The following BBS9 variants were observed in gnomAD, a reference collection of about 807,000 sequenced individuals.
BBS9 encodes the protein protein PTHB1.
A neutral mutation model predicts 117.7 loss-of-function variants in BBS9; 89 were observed. That is an observed-to-expected ratio of 0.76 (90% CI 0.64 to 0.90). The LOEUF (loss-of-function observed/expected upper bound fraction) is 0.90. Ranked by LOEUF, BBS9 falls within the 40% of genes least tolerant of loss-of-function variation. BBS9 has a pLI of 0.00. For synonymous variants in BBS9, 379 were observed against 370.9 expected, an observed-to-expected ratio of 1.02 and a Z score of -0.25; for missense variants, 982 against 1,042.2, an observed-to-expected ratio of 0.94 and a Z score of 0.80.
chr7:33,434,278 TAAA>T (rs36043262), intron 19 of BBS9, among the ~76,000 whole-genome samples: 1 of 132,676 alleles, frequency 7.5e-6, no homozygotes, highest in African/African-American at 2.8e-5. Flanking sequence ...TCCTGTTTGC[TAAA>T]AAAAAAAAAA....
chr7:33,207,957 G>C (rs560636179), intron 5 of BBS9, among the ~76,000 whole-genome samples: 9 of 151,908 alleles, frequency 5.9e-5, no homozygotes, highest in Non-Finnish European at 1.3e-4. Flanking sequence ...ATAGGTGTGC[G>C]CCACCATGCC....
At chr7:33,178,178 G>A (rs1405761855) in intron 5 of BBS9, among the ~76,000 whole-genome samples, 1 of 152,214 alleles carries the variant, frequency 6.6e-6, no homozygotes, top group African/African-American at 2.4e-5. Flanking sequence ...CAGGGCAGCT[G>A]GAAGAGTGGG....
At chr7:33,509,673 T>C (rs898725743) in intron 20 of BBS9, among the ~76,000 whole-genome samples, 1 of 152,190 alleles carries the variant, frequency 6.6e-6, no homozygotes, top group South Asian at 2.1e-4. Context: ...ATGTTTTGTT[T>C]ATGTTTCAGA....
At chr7:33,527,468 G>C (rs995005187) in intron 20 of BBS9, among the ~76,000 whole-genome samples, 5 of 152,090 alleles carry the variant, frequency 3.3e-5, no homozygotes, top group African/African-American at 4.8e-5. Context: ...TTTTTTAAGC[G>C]GGTCTGAAAA....
chr7:33,161,811 T>C (rs1794899244), intron 4 of BBS9, among the ~76,000 whole-genome samples: 1 of 152,220 alleles, frequency 6.6e-6, no homozygotes, highest in Non-Finnish European at 1.5e-5. Context: ...ATGATTGCCA[T>C]TCTAACTGAT....
chr7:33,492,811 AGTGTGTGTGTGTGTGT>A (rs57870306), intron 19 of BBS9, among the ~76,000 whole-genome samples: 21,236 of 131,644 alleles, frequency 0.16, 2,121 homozygotes, highest in East Asian at 0.48. Context: ...TATAGGAGTG[AGTGTGTGTGTGTGTGT>A]GTGTGTGTGT....
At chr7:33,260,871 A>G (rs1185518120) in intron 6 of BBS9, among the ~76,000 whole-genome samples, 4 of 152,134 alleles carry the variant, frequency 2.6e-5, no homozygotes, top group Non-Finnish European at 5.9e-5. Context: ...TGTCTGCTAT[A>G]CCCCTTCCCC....
intron 11 of BBS9, among the ~76,000 whole-genome samples, chr7:33,343,407 A>G (rs1816914989): frequency 6.6e-6 from 1 of 152,188 alleles, no homozygotes; most frequent in Admixed American, 6.5e-5. Context: ...AGGTAACACG[A>G]GGTGACGCTC....
At chr7:33,285,384 A>G (rs1802678808) in intron 9 of BBS9, among the ~76,000 whole-genome samples, 2 of 152,134 alleles carry the variant, frequency 1.3e-5, no homozygotes, top group African/African-American at 2.4e-5. Flanking sequence ...GTAACTTAAC[A>G]TGAGTTATGG....
chr7:33,352,831 C>T lies in BBS9; in HGVS notation c.1538-28C>T, dbSNP rs538633351. 48 of 1,610,672 alleles carry T rather than the reference C, an allele frequency of 3.0e-5. 1 individual carries two copies. The South Asian group carries it at 4.1e-4, about 14-fold the overall frequency. Reference sequence around the variant, plus strand: ...ATTTGTTGCCTTCTTTTCCCCCTACCCATTTTTGCATTGCCTGTGATGGAC... The same window carrying T: ...ATTTGTTGCCTTCTTTTCCCCCTACTCATTTTTGCATTGCCTGTGATGGAC... On this transcript the variant is annotated intron_variant, in intron 14 of 22. Coordinates refer to ENST00000242067, the MANE Select transcript of BBS9 (RefSeq NM_198428.3).
At chr7:33,243,054 A>C in intron 5 of BBS9, 1 of 512,890 alleles carries the variant, frequency 1.9e-6, no homozygotes, top group Admixed American at 2.0e-5. Flanking sequence ...ATGTGCTAAT[A>C]ATGTATGGAC....
rs114558584 is a variant in BBS9 at position 33,194,088 on chromosome 7, T to C, written c.442+16497T>C. ...TATGGTCTATGGCCTTTCCTGCTTT[T>C]TTCTTTTTGCAGAAAAAATACCAAA... On this transcript the variant is annotated intron_variant, in intron 5 of 22. Transcript: ENST00000242067. 3.0e-3 allele frequency among the ~76,000 whole-genome samples: 463 copies of C among 152,336 alleles called. 1 individual carries two copies. The highest frequency in any genetic ancestry group is 8.9e-3 in the African/African-American group (370 of 41,582).
At chr7:33,391,667 A>G (rs1827095353) in intron 19 of BBS9, among the ~76,000 whole-genome samples, 1 of 151,958 alleles carries the variant, frequency 6.6e-6, no homozygotes, top group South Asian at 2.1e-4. Flanking sequence ...CTTTTTTATG[A>G]CTTGCGTATG....
chr7:33,212,074 A>C (rs1384531786), intron 5 of BBS9, among the ~76,000 whole-genome samples: 1 of 152,134 alleles, frequency 6.6e-6, no homozygotes, highest in Non-Finnish European at 1.5e-5. Flanking sequence ...AAATCAGCTT[A>C]GTGTTCTGTA....
chr7:33,184,850 C>G (rs1003550450), intron 5 of BBS9, among the ~76,000 whole-genome samples: 2 of 152,192 alleles, frequency 1.3e-5, no homozygotes, highest in African/African-American at 2.4e-5. Flanking sequence ...AAAAGAATGG[C>G]TACTCCATTG....
At chr7:33,405,569 T>G (rs1341936576) in intron 19 of BBS9, among the ~76,000 whole-genome samples, 3 of 152,224 alleles carry the variant, frequency 2.0e-5, no homozygotes, top group Non-Finnish European at 4.4e-5. Context: ...TCGTTTAGTG[T>G]TGGGAGGATG....
intron 19 of BBS9, among the ~76,000 whole-genome samples, chr7:33,485,235 C>A (rs982243277): frequency 3.9e-5 from 6 of 151,934 alleles, no homozygotes; most frequent in Non-Finnish European, 7.4e-5. Context: ...AACAAACCAC[C>A]ATGGCACACA....
rs144112103 is a variant in BBS9 at position 33,383,794 on chromosome 7, A to G, written c.1918A>G (p.Ile640Val). 5.6e-5 allele frequency: 90 copies of G among 1,612,780 alleles called. 1 individual carries two copies. In the African/African-American group the frequency reaches 9.1e-4, roughly 16 times the overall value. ...TTTTGCATGTTCTTTTTCGGGATCT[A>G]TACCCCTTCAAGAATATTTTGAGTT... is the stretch of plus-strand genomic sequence containing the variant. ...KDFACSFSGS[I>V]PLQEYFELID... The change falls in exon 18 of 23, where the codon ATA (isoleucine) becomes GTA (valine). Residue 640 changes from isoleucine (I) to valine (V), a missense_variant. Transcript: ENST00000242067.
chr7:33,186,566 C>T (rs938582973), intron 5 of BBS9, among the ~76,000 whole-genome samples: 1 of 152,140 alleles, frequency 6.6e-6, no homozygotes, highest in Non-Finnish European at 1.5e-5. Flanking sequence ...AATATGTTAA[C>T]TTCTGGGTCG....
Sources: gnomAD v4.1 joint callset for allele counts (sites outside exome capture counted in the v4.1 genomes callset) on GRCh38, gnomAD v4.1.1 for gene constraint, MANE v1.5 for transcripts, NCBI Gene and HGNC (gene_info 2026-07-23, HGNC 2026-07-21) for gene names.